R3HDM1: variants seen among roughly 807,000 people sequenced by gnomAD.
R3HDM1 encodes R3H domain-containing protein 1.
Under a neutral mutation model 141.1 loss-of-function variants are expected in R3HDM1, and 46 were observed. The ratio of observed to expected loss-of-function variants is 0.33; its 90% CI spans 0.26 to 0.42. R3HDM1 has a LOEUF of 0.42. Among genes scored for constraint, R3HDM1 ranks in the 10% least tolerant of loss-of-function variants. R3HDM1 has a pLI of 1.00. For missense variants in R3HDM1, 1,184 were observed against 1,368.3 expected (o/e 0.87, Z 2.12); for synonymous variants, 435 against 472.9 (o/e 0.92, Z 1.04).
chr2:135,598,653 T>C (rs2059385680), intron 1 of R3HDM1, among the ~76,000 whole-genome samples: 1 of 150,918 alleles, frequency 6.6e-6, no homozygotes. Flanking sequence ...TCCTAATCTG[T>C]TGTAGGACAG....
chr2:135,547,275 A>G (rs979108638), intron 1 of R3HDM1, among the ~76,000 whole-genome samples: 1 of 152,128 alleles, frequency 6.6e-6, no homozygotes, highest in Non-Finnish European at 1.5e-5. Context: ...TGCACATAGA[A>G]ATCAGTATGG....
chr2:135,569,089 G>A (rs549908439), intron 1 of R3HDM1, among the ~76,000 whole-genome samples: 6 of 152,110 alleles, frequency 3.9e-5, no homozygotes, highest in Non-Finnish European at 7.4e-5. Context: ...TTAATATTCT[G>A]GAATACATAG....
chr2:135,639,266 A>G, intron 14 of R3HDM1, 144 bp downstream of exon 14: 1 of 696,774 alleles, frequency 1.4e-6, no homozygotes, highest in Non-Finnish European at 2.4e-6. Context: ...GGAGCACTTA[A>G]GGGGTAATAT....
chr2:135,676,602 A>C (rs987178838), intron 20 of R3HDM1, among the ~76,000 whole-genome samples: 2 of 152,170 alleles, frequency 1.3e-5, no homozygotes, highest in Admixed American at 1.3e-4. Context: ...CTTGAGGTCA[A>C]GAGTTCGAGA....
intron 1 of R3HDM1, among the ~76,000 whole-genome samples, chr2:135,582,854 T>TA (rs1189942616): frequency 6.6e-6 from 1 of 152,234 alleles, no homozygotes; most frequent in East Asian, 1.9e-4. Context: ...TAAAATGTTT[T>TA]AAATTCTTAA....
chr2:135,622,165 G>A (rs2061572319), intron 6 of R3HDM1: 1 of 984,744 alleles, frequency 1.0e-6, no homozygotes, highest in Non-Finnish European at 1.2e-6. Flanking sequence ...TATTTTGAAA[G>A]CAAGCCTGTA....
At chr2:135,689,907 A>G (rs1010578142) in intron 21 of R3HDM1, among the ~76,000 whole-genome samples, 17 of 152,004 alleles carry the variant, frequency 1.1e-4, no homozygotes, top group Non-Finnish European at 2.2e-4. Flanking sequence ...TTCTTCTCCT[A>G]TTTTCCCTTT....
chr2:135,571,790 T>G (rs1421117097), intron 1 of R3HDM1, among the ~76,000 whole-genome samples: 1 of 152,042 alleles, frequency 6.6e-6, no homozygotes, highest in African/African-American at 2.4e-5. Context: ...CCATACTGGC[T>G]AATTTTTGTA....
chr2:135,651,909 A>ACCG lies in R3HDM1; in HGVS notation c.1907_1908insGCC (p.Pro640dup). ...ATCCTCCTCCACCGCCACCACCACC[A>ACCG]CCTCCTCCTCCTCCCCTACCACCTG... On this transcript the variant is annotated inframe_insertion, in exon 18 of 27. Transcript: ENST00000683871. 6.4e-7 allele frequency: 1 copy of ACCG among 1,564,092 alleles called. No individual in the cohort carries two copies. Among genetic ancestry groups the ACCG allele is most frequent in the Non-Finnish European group, 8.7e-7 (1 of 1,145,036 alleles).
Position 135,654,458 on chromosome 2 carries a change from TTGTTGTTGTTGA to T in R3HDM1, c.2028+2427_2028+2438del, listed in dbSNP as rs535882169. The stretch of plus-strand genomic sequence containing the variant: ...GTTGTTGTTGTTGTTGTTGTTGTTG[TTGTTGTTGTTGA>T]GACAGAGTCTCTTTGTTGCCCAGGC... On this transcript the variant is annotated intron_variant, in intron 18 of 26. Transcript: ENST00000683871. 5.1e-4 allele frequency among the ~76,000 whole-genome samples: 77 copies of T among 152,024 alleles called. 1 individual carries two copies. The highest frequency in any genetic ancestry group is 1.8e-3 in the African/African-American group (73 of 41,420).
chr2:135,704,872 T>G (rs60733240), intron 21 of R3HDM1, among the ~76,000 whole-genome samples: 1 of 152,228 alleles, frequency 6.6e-6, no homozygotes, highest in Non-Finnish European at 1.5e-5. Context: ...ATGATCATAC[T>G]CTTACATTTT....
At chr2:135,705,918 A>G (rs2074842601) in intron 21 of R3HDM1, among the ~76,000 whole-genome samples, 2 of 152,158 alleles carry the variant, frequency 1.3e-5, no homozygotes, top group Admixed American at 1.3e-4. Flanking sequence ...TCACGAGGTC[A>G]GGAGATCGAG....
intron 1 of R3HDM1, chr2:135,536,870 T>C (rs1696239138): frequency 7.8e-6 from 2 of 256,834 alleles, no homozygotes; most frequent in African/African-American, 2.3e-5. Context: ...TTGCAAACCT[T>C]ACTGTGAACT....
intron 1 of R3HDM1, among the ~76,000 whole-genome samples, chr2:135,574,361 T>C (rs1704877690): frequency 6.6e-6 from 1 of 152,196 alleles, no homozygotes; most frequent in Non-Finnish European, 1.5e-5. Context: ...TTCTAAACTA[T>C]CCCACCAAAA....
intron 1 of R3HDM1, among the ~76,000 whole-genome samples, chr2:135,563,413 A>G (rs1702151908): frequency 6.6e-6 from 1 of 152,218 alleles, no homozygotes; most frequent in African/African-American, 2.4e-5. Context: ...CTAGGTCCAG[A>G]TTTGATCCAC....
At chr2:135,603,702 G>T (rs2059813633) in intron 2 of R3HDM1, among the ~76,000 whole-genome samples, 1 of 152,186 alleles carries the variant, frequency 6.6e-6, no homozygotes, top group Non-Finnish European at 1.5e-5. Context: ...ACGCCTTTTG[G>T]CTTCAAGCAA....
rs777120522 is a variant in R3HDM1, at chr2:135,651,922, C to T, written c.1918C>T (p.Pro640Ser). ...GCCACCACCACCACCTCCTCCTCCTCCCCTACCACCTGGGCAGCCAGTCCC... is the reference window on the plus strand; with the variant it reads ...GCCACCACCACCACCTCCTCCTCCTTCCCTACCACCTGGGCAGCCAGTCCC... Reference protein sequence around the residue: ...PPPPPPPPPPPLPPGQPVPTA... With the variant: ...PPPPPPPPPPSLPPGQPVPTA... Residue 640 changes from proline (P) to serine (S), a missense_variant, in exon 18 of 27, where the codon CCC becomes TCC. This residue lies in a region of R3HDM1 where 563 missense variants were observed against 562.0 expected (regional missense o/e 1.00). Coordinates refer to ENST00000683871, the MANE Select transcript of R3HDM1 (RefSeq NM_001378107.1). 1.2e-6 allele frequency: 2 copies of T among 1,613,528 alleles called. No homozygotes were observed. Among genetic ancestry groups the T allele is most frequent in the East Asian group, 4.5e-5 (2 of 44,890 alleles).
At chr2:135,708,834 C>T in intron 21 of R3HDM1, among the ~76,000 whole-genome samples, 1 of 151,854 alleles carries the variant, frequency 6.6e-6, no homozygotes, top group South Asian at 2.1e-4. Context: ...TGGCAGACAC[C>T]TGTAATCTCA....
rs146519171 is a variant in R3HDM1, at chr2:135,536,560, A to G, written c.-250+4927A>G. 331 of 922,446 alleles carry G rather than the reference A, an allele frequency of 3.6e-4. 5 individuals are homozygous for G. In the East Asian group the frequency reaches 0.034, roughly 94 times the overall value. The allele number at this position is 922,446 out of a possible 1,614,324, so 57.1% of individuals were successfully genotyped here. A position where few individuals can be genotyped will look rare whatever the true frequency, so the allele number is the denominator to read the frequency against. ...CTGCAAAAGAAATTAGGTAGAGAAA[A>G]TAAACTACATTTGTTTTTATTCTTG... is the stretch of plus-strand genomic sequence containing the variant. On this transcript the variant is annotated intron_variant, in intron 1 of 26. Coordinates refer to ENST00000683871, the MANE Select transcript of R3HDM1 (RefSeq NM_001378107.1).
Sources: allele counts gnomAD v4.1 joint callset (sites outside exome capture counted in the v4.1 genomes callset), GRCh38; gene constraint gnomAD v4.1.1; regional missense constraint gnomAD v4.1.1; transcripts MANE v1.5; gene names NCBI Gene and HGNC (gene_info 2026-07-23, HGNC 2026-07-21).